CDH8: variants seen among roughly 807,000 people sequenced by gnomAD.
The protein encoded by CDH8 is cadherin-8.
A neutral mutation model predicts 68.1 loss-of-function variants in CDH8; 17 were observed. That is an observed-to-expected ratio of 0.25 (90% CI 0.17 to 0.37). CDH8 has a LOEUF of 0.37. Among genes scored for constraint, CDH8 ranks in the 10% least tolerant of loss-of-function variants. CDH8 has a pLI of 1.00. For synonymous variants in CDH8, 372 were observed against 365.1 expected (o/e 1.02, Z -0.21); for missense variants, 763 against 999.3 (o/e 0.76, Z 3.19).
chr16:61,778,212 G>C (rs1267943299), intron 8 of CDH8, among the ~76,000 whole-genome samples: 1 of 152,050 alleles, frequency 6.6e-6, no homozygotes, highest in Non-Finnish European at 1.5e-5. Context: ...CCTTCACCCT[G>C]CACAAGGGAA....
At chr16:61,787,691 C>G (rs1224236670) in intron 8 of CDH8, among the ~76,000 whole-genome samples, 1 of 147,348 alleles carries the variant, frequency 6.8e-6, no homozygotes, top group Non-Finnish European at 1.5e-5. Flanking sequence ...GGAACCAACC[C>G]AAATGTCCAA....
intron 5 of CDH8, among the ~76,000 whole-genome samples, chr16:61,824,189 T>C (rs993161352): frequency 1.3e-5 from 2 of 151,860 alleles, no homozygotes; most frequent in East Asian, 1.9e-4. Context: ...AAAAAAGCCC[T>C]GCCTGATCTT....
In CDH8 at chr16:61,653,514, T is replaced by A. The variant is rs1300951255; in HGVS notation, c.*94A>T. The A allele has an allele frequency of 6.0e-6, 9 of 1,509,840 alleles. No homozygotes were observed. Among genetic ancestry groups the A allele is most frequent in the Non-Finnish European group, 8.0e-6 (9 of 1,131,168 alleles). The allele number at this position is 1,509,840 out of a possible 1,614,324, so 93.5% of individuals were successfully genotyped here. A position where few individuals can be genotyped will look rare whatever the true frequency, so the allele number is the denominator to read the frequency against. On this transcript the variant is annotated 3_prime_UTR_variant, in exon 12 of 12. Coordinates refer to ENST00000577390, the MANE Select transcript of CDH8 (RefSeq NM_001796.5). ...ATAGATGACTGGTGCTAAACTTGCC[T>A]CTAAAACAAATAGCCACATTGGTTG... is the stretch of plus-strand genomic sequence containing the variant.
intron 2 of CDH8, among the ~76,000 whole-genome samples, chr16:61,935,759 T>C (rs1369923871): frequency 6.6e-6 from 1 of 152,164 alleles, no homozygotes; most frequent in Non-Finnish European, 1.5e-5. Flanking sequence ...TATTAGACTC[T>C]GTGCACCTTG....
intron 7 of CDH8, among the ~76,000 whole-genome samples, chr16:61,797,391 T>C (rs1308733745): frequency 6.6e-6 from 1 of 152,122 alleles, no homozygotes; most frequent in Non-Finnish European, 1.5e-5. Context: ...ACAGCAGCCA[T>C]ACAGGTTACC....
chr16:61,720,097 C>G (rs1164371075), intron 9 of CDH8, among the ~76,000 whole-genome samples: 1 of 150,952 alleles, frequency 6.6e-6, no homozygotes, highest in Non-Finnish European at 1.5e-5. Context: ...ATGCTATCCT[C>G]TAAAACTCCA....
intron 10 of CDH8, among the ~76,000 whole-genome samples, chr16:61,668,793 C>T (rs538318625): frequency 1.1e-4 from 16 of 151,970 alleles, no homozygotes; most frequent in Non-Finnish European, 2.2e-4. Flanking sequence ...AGAGCAAATT[C>T]CCTACCATGT....
At chr16:61,727,511 A>T (rs574547818) in intron 8 of CDH8, among the ~76,000 whole-genome samples, 2 of 151,224 alleles carry the variant, frequency 1.3e-5, no homozygotes, top group East Asian at 1.9e-4. Context: ...TAGATAAGGG[A>T]TCAATTCTTT....
rs1032281668 is a variant in CDH8 at position 61,813,579 on chromosome 16, A to AG, written c.1277+3899dup. ...GGGGGAACAGGGTGGAGCCACGGGC[A>AG]GGGGGAGAAGCCTGGTCTCCAGTTC... On this transcript the variant is annotated intron_variant, in intron 7 of 11. Coordinates refer to ENST00000577390, the MANE Select transcript of CDH8 (RefSeq NM_001796.5). Among the ~76,000 whole-genome samples the AG allele has an allele frequency of 5.3e-5, 8 of 152,176 alleles. 1 individual carries two copies. Among genetic ancestry groups the AG allele is most frequent in the Admixed American group, 3.3e-4 (5 of 15,270 alleles).
chr16:61,671,631 T>C (rs1393565987), intron 10 of CDH8, among the ~76,000 whole-genome samples: 1 of 151,988 alleles, frequency 6.6e-6, no homozygotes, highest in East Asian at 1.9e-4. Flanking sequence ...GGCAAGAGAA[T>C]GGAAGGCAGT....
rs1342363428 is a variant in CDH8 at position 61,652,980 on chromosome 16, CAT to C, written c.*626_*627del. ...GCCCCACCCTGGAATGGATTACGAA[CAT>C]GTGAATATTTTAAGGCTCGACACAA... On this transcript the variant is annotated 3_prime_UTR_variant, in exon 12 of 12. Coordinates refer to ENST00000577390, the MANE Select transcript of CDH8 (RefSeq NM_001796.5). 6.7e-7 allele frequency: 1 copy of C among 1,491,570 alleles called. No homozygotes were observed. The highest frequency in any genetic ancestry group is 1.3e-5 in the South Asian group (1 of 75,334). 92.4% of individuals were successfully genotyped at this position (1,491,570 alleles called of 1,614,324 possible).
At chr16:61,798,571 A>G (rs1961549568) in intron 7 of CDH8, among the ~76,000 whole-genome samples, 1 of 152,212 alleles carries the variant, frequency 6.6e-6, no homozygotes, top group Non-Finnish European at 1.5e-5. Context: ...GCTAGTGGCC[A>G]CAATATCAAA....
chr16:62,000,059 G>A (rs911883478), intron 2 of CDH8, among the ~76,000 whole-genome samples: 3 of 151,930 alleles, frequency 2.0e-5, no homozygotes, highest in African/African-American at 7.3e-5. Context: ...AAAACATGTG[G>A]TGTTTGGTTT....
chr16:61,676,777 G>T (rs1404858729), intron 10 of CDH8, among the ~76,000 whole-genome samples: 1 of 151,958 alleles, frequency 6.6e-6, no homozygotes, highest in African/African-American at 2.4e-5. Context: ...CATTGACATT[G>T]TCATCCTAAA....
At chr16:61,877,494 T>C (rs1254550144) in intron 3 of CDH8, among the ~76,000 whole-genome samples, 1 of 152,152 alleles carries the variant, frequency 6.6e-6, no homozygotes, top group Admixed American at 6.5e-5. Context: ...TGTGTGTATA[T>C]ATGGAGAGAA....
intron 2 of CDH8, among the ~76,000 whole-genome samples, chr16:61,985,099 T>C (rs1055827628): frequency 7.9e-5 from 12 of 151,896 alleles, no homozygotes; most frequent in African/African-American, 2.2e-4. Flanking sequence ...AACTTTTTTT[T>C]CCTCAAGAAT....
chr16:61,881,131 A>C (rs1963569129), intron 3 of CDH8, among the ~76,000 whole-genome samples: 1 of 152,162 alleles, frequency 6.6e-6, no homozygotes, highest in Admixed American at 6.5e-5. Context: ...GCTGAAGCAG[A>C]AGATCTACAG....
intron 8 of CDH8, among the ~76,000 whole-genome samples, chr16:61,742,307 ATT>A (rs2142926749): frequency 6.6e-6 from 1 of 152,152 alleles, no homozygotes; most frequent in South Asian, 2.1e-4. Context: ...TGACAATCAT[ATT>A]TCTCTCTTTC....
At chr16:61,772,045 A>T (rs929112001) in intron 8 of CDH8, among the ~76,000 whole-genome samples, 1 of 151,906 alleles carries the variant, frequency 6.6e-6, no homozygotes, top group Non-Finnish European at 1.5e-5. Context: ...CTTCAACACC[A>T]GCTCCTCATT....
Sources: gnomAD v4.1 joint callset for allele counts (sites outside exome capture counted in the v4.1 genomes callset) on GRCh38, gnomAD v4.1.1 for gene constraint, MANE v1.5 for transcripts, NCBI Gene and HGNC (gene_info 2026-07-23, HGNC 2026-07-21) for gene names.